PTPRT: variants seen among roughly 807,000 people sequenced by gnomAD.
The protein encoded by PTPRT is receptor-type tyrosine-protein phosphatase T.
PTPRT carries 56 observed loss-of-function variants against 176.8 expected under a neutral mutation model. The ratio of observed to expected loss-of-function variants is 0.32; its 90% CI spans 0.26 to 0.40. The LOEUF (loss-of-function observed/expected upper bound fraction) is 0.40, where lower values mean the gene tolerates loss of function less well. PTPRT is among the 10% of genes least tolerant of loss of function. The pLI is 1.00. For missense variants in PTPRT, 1,540 were observed against 1,908.2 expected, an observed-to-expected ratio of 0.81 and a Z score of 3.60; for synonymous variants, 783 against 739.0, an observed-to-expected ratio of 1.06 and a Z score of -0.96.
chr20:42,713,151 A>T (rs1389189466), intron 6 of PTPRT, among the ~76,000 whole-genome samples: 2 of 126,890 alleles, frequency 1.6e-5, no homozygotes, highest in Non-Finnish European at 3.3e-5. Context: ...ACGTACACGC[A>T]CACATACACA....
intron 29 of PTPRT, among the ~76,000 whole-genome samples, chr20:42,082,751 C>T (rs555565877): frequency 6.6e-6 from 1 of 152,278 alleles, no homozygotes; most frequent in East Asian, 1.9e-4. Flanking sequence ...ATGGAAACAC[C>T]CTTCAAACTC....
At chr20:42,481,428 C>T (rs2071383233) in intron 7 of PTPRT, among the ~76,000 whole-genome samples, 1 of 152,108 alleles carries the variant, frequency 6.6e-6, no homozygotes, top group Non-Finnish European at 1.5e-5. Flanking sequence ...GGCCAACCCA[C>T]ATAGTTTAAA....
intron 17 of PTPRT, among the ~76,000 whole-genome samples, chr20:42,143,259 G>C (rs1988709982): frequency 6.6e-6 from 1 of 152,186 alleles, no homozygotes; most frequent in Non-Finnish European, 1.5e-5. Context: ...AGATCTGCTA[G>C]AAAGTTGTGG....
Position 43,057,205 on chromosome 20 carries a change from T to G in PTPRT, c.88+132441A>C, listed in dbSNP as rs954895814. 3.6e-5 allele frequency among the ~76,000 whole-genome samples: 5 copies of G among 137,706 alleles called. No individual in the cohort carries two copies. In the East Asian group the frequency reaches 1.1e-3, roughly 30 times the overall value. The allele number at this position is 137,706 out of a possible 152,430, so 90.3% of individuals were successfully genotyped here. On this transcript the variant is annotated intron_variant, in intron 1 of 30. Coordinates refer to ENST00000373187, the MANE Select transcript of PTPRT (RefSeq NM_007050.6). ...CAGTTCTGCCTCCTGACTGTGGGGA[T>G]AGTCACTTGAATCTACACACATGAT...
chr20:42,872,021 A>T (rs1347681525), intron 2 of PTPRT, among the ~76,000 whole-genome samples: 1 of 152,240 alleles, frequency 6.6e-6, no homozygotes, highest in Non-Finnish European at 1.5e-5. Context: ...CATAGCTTTC[A>T]CAAGTTGTTT....
chr20:42,107,168 G>A lies in PTPRT; in HGVS notation c.3255-247C>T, dbSNP rs140818764. On this transcript the variant is annotated intron_variant, in intron 23 of 30. Coordinates refer to ENST00000373187, the MANE Select transcript of PTPRT (RefSeq NM_007050.6). ...CATAAAACACCTAGCATGGTTCCTG[G>A]CATGCTGGAGCTGCCTCATAGATAT... 1.1e-3 allele frequency among the ~76,000 whole-genome samples: 167 copies of A among 152,346 alleles called. 1 individual carries two copies. Among genetic ancestry groups the A allele is most frequent in the African/African-American group, 3.8e-3 (158 of 41,576 alleles).
chr20:43,075,799 A>G (rs2011259125), intron 1 of PTPRT, among the ~76,000 whole-genome samples: 1 of 152,214 alleles, frequency 6.6e-6, no homozygotes, highest in African/African-American at 2.4e-5. Flanking sequence ...ATGTGAAGAA[A>G]CTAAACTGCT....
chr20:43,124,603 A>G (rs6016963), intron 1 of PTPRT, among the ~76,000 whole-genome samples: 73,321 of 151,952 alleles, frequency 0.48, 19,218 homozygotes, highest in Non-Finnish European at 0.6. Context: ...TCACAATCCA[A>G]CTCAAAGAGA....
At chr20:42,394,829 G>A (rs370930149) in intron 9 of PTPRT, among the ~76,000 whole-genome samples, 6 of 152,148 alleles carry the variant, frequency 3.9e-5, no homozygotes, top group African/African-American at 1.2e-4. Flanking sequence ...CCCAAGATGA[G>A]GGAGCTGGCT....
chr20:42,969,526 G>A (rs1487828162), intron 1 of PTPRT: 1 of 152,160 alleles, frequency 6.6e-6, no homozygotes, highest in Non-Finnish European at 1.5e-5. Flanking sequence ...ACTTTACTAT[G>A]AACTATGGAA....
At chr20:43,157,543 G>A (rs2014559762) in intron 1 of PTPRT, among the ~76,000 whole-genome samples, 1 of 152,188 alleles carries the variant, frequency 6.6e-6, no homozygotes, top group African/African-American at 2.4e-5. Context: ...GCACTTTGCA[G>A]TATTAAACTA....
intron 7 of PTPRT, among the ~76,000 whole-genome samples, chr20:42,606,319 C>A (rs2073876902): frequency 6.6e-6 from 1 of 152,184 alleles, no homozygotes; most frequent in Non-Finnish European, 1.5e-5. Flanking sequence ...CCCAGCAGAT[C>A]TGGGACCTCA....
intron 7 of PTPRT, among the ~76,000 whole-genome samples, chr20:42,638,264 A>G (rs973363329): frequency 2.0e-5 from 3 of 152,140 alleles, no homozygotes; most frequent in African/African-American, 7.2e-5. Flanking sequence ...TCTCAGTATA[A>G]CAGATTGGGA....
At chr20:42,173,312 G>GT (rs1990153548) in intron 16 of PTPRT, among the ~76,000 whole-genome samples, 4 of 152,070 alleles carry the variant, frequency 2.6e-5, no homozygotes, top group Admixed American at 2.6e-4. Flanking sequence ...ACAATAAAGG[G>GT]TTTTGTGCAT....
intron 1 of PTPRT, among the ~76,000 whole-genome samples, chr20:43,142,966 A>T (rs750624618): frequency 9.2e-5 from 14 of 152,228 alleles, no homozygotes; most frequent in Non-Finnish European, 2.1e-4. Flanking sequence ...CCTTGAAGTA[A>T]GCATCATCAT....
At chr20:42,049,224 G>A in the PTPRT span, among the ~76,000 whole-genome samples, 3 of 152,198 alleles carry the variant, frequency 2.0e-5, no homozygotes, top group East Asian at 1.9e-4. Flanking sequence ...AGACAATGAC[G>A]TCCACTAACA....
chr20:42,692,563 C>A (rs944228635), intron 6 of PTPRT, among the ~76,000 whole-genome samples: 3 of 152,150 alleles, frequency 2.0e-5, no homozygotes, highest in Non-Finnish European at 2.9e-5. Context: ...CAAAGGGTAT[C>A]TAACACATTA....
chr20:42,056,407 AATAG>A, the PTPRT span, among the ~76,000 whole-genome samples: 2 of 152,354 alleles, frequency 1.3e-5, no homozygotes, highest in Non-Finnish European at 2.9e-5. Context: ...AGGCATGAAA[AATAG>A]ATAGGTGAGA....
intron 7 of PTPRT, among the ~76,000 whole-genome samples, chr20:42,482,785 T>C (rs1017907094): frequency 1.3e-5 from 2 of 152,206 alleles, no homozygotes; most frequent in Non-Finnish European, 2.9e-5. Flanking sequence ...CTGAAGTTTT[T>C]ACTTTTTTTC....
Sources: allele counts gnomAD v4.1 joint callset (sites outside exome capture counted in the v4.1 genomes callset), GRCh38; gene constraint gnomAD v4.1.1; transcripts MANE v1.5; gene names NCBI Gene and HGNC (gene_info 2026-07-23, HGNC 2026-07-21).